Variants in KATNAL2 observed in about 807,000 individuals in gnomAD.
The protein encoded by KATNAL2 is katanin catalytic subunit A1 like 2.
In KATNAL2, 52 loss-of-function variants were observed where a neutral mutation model predicts 76.3. The observed-to-expected ratio is 0.68, with a 90% CI of 0.55 to 0.86. The LOEUF is 0.86. Ranked by LOEUF, KATNAL2 falls within the 40% of genes least tolerant of loss-of-function variation. The pLI, the probability that KATNAL2 is intolerant of heterozygous loss-of-function variation, is 0.00. For missense variants in KATNAL2, 660 were observed against 668.9 expected (o/e 0.99, Z 0.15); for synonymous variants, 243 against 244.2 (o/e 1.00, Z 0.05).
intron 3 of KATNAL2, among the ~76,000 whole-genome samples, chr18:47,038,523 A>G (rs1021801736): frequency 1.3e-5 from 2 of 152,174 alleles, no homozygotes; most frequent in Non-Finnish European, 2.9e-5. Context: ...GATCCTCTAG[A>G]GTATAAATTG....
chr18:47,076,234 G>A (rs1389327025), intron 14 of KATNAL2: 1 of 152,096 alleles, frequency 6.6e-6, no homozygotes, highest in African/African-American at 2.4e-5. Context: ...TTACTCATTG[G>A]AAACCATTTT....
rs150598803 is a variant in KATNAL2 at position 47,035,102 on chromosome 18, G to C, written c.52-11355G>C. On this transcript the variant is annotated intron_variant, in intron 3 of 17. Transcript: ENST00000683218. ...CCCACGTGCTGGTGCTTCCGCAGGC[G>C]CTTCACCGTCTTTCTGATTCCAGTC... 4 of 1,611,062 alleles carry C rather than the reference G, an allele frequency of 2.5e-6. No homozygotes were observed. The African/African-American group carries it at 5.3e-5, about 21-fold the overall frequency.
At chr18:46,935,018 T>G (rs2059045863) in intron 1 of KATNAL2, among the ~76,000 whole-genome samples, 1 of 152,092 alleles carries the variant, frequency 6.6e-6, no homozygotes, top group Admixed American at 6.6e-5. Flanking sequence ...TGACCAGTAT[T>G]TAGTCAAAAA....
intron 5 of KATNAL2, among the ~76,000 whole-genome samples, chr18:47,053,362 G>T (rs2061388532): frequency 6.6e-6 from 1 of 152,182 alleles, no homozygotes; most frequent in East Asian, 1.9e-4. Flanking sequence ...AGAACTGTTG[G>T]AAGAGGATAA....
intron 3 of KATNAL2, chr18:47,032,841 C>CA (rs2060539478): frequency 1.4e-6 from 2 of 1,419,966 alleles, no homozygotes; most frequent in Non-Finnish European, 9.5e-7. Context: ...GTGTGGGAGG[C>CA]AAAATCACAG....
intron 3 of KATNAL2, chr18:47,034,778 C>A (rs1220133880): frequency 6.2e-7 from 1 of 1,612,474 alleles, no homozygotes; most frequent in Non-Finnish European, 8.5e-7. Context: ...CCGGAATCAG[C>A]TGGGGCTATT....
intron 6 of KATNAL2, among the ~76,000 whole-genome samples, chr18:47,057,484 C>T (rs891620453): frequency 1.3e-5 from 2 of 152,138 alleles, no homozygotes; most frequent in African/African-American, 4.8e-5. Context: ...ACTATGTATA[C>T]AGTAAATGTA....
intron 3 of KATNAL2, chr18:47,033,444 C>G (rs1453783374): frequency 1.2e-6 from 2 of 1,613,938 alleles, no homozygotes; most frequent in South Asian, 2.2e-5. Flanking sequence ...GCCGCAGGTA[C>G]TGCTCCCTCC....
At chr18:47,031,128 C>A (rs2060400848) in intron 3 of KATNAL2, among the ~76,000 whole-genome samples, 1 of 126,020 alleles carries the variant, frequency 7.9e-6, no homozygotes, top group Non-Finnish European at 1.6e-5. Context: ...GCTTGGTCTT[C>A]AGGATCCTGC....
chr18:47,069,334 A>G (rs759263740), intron 12 of KATNAL2, 51 bp downstream of exon 12: 2 of 1,495,596 alleles, frequency 1.3e-6, no homozygotes, highest in Admixed American at 1.8e-5. Flanking sequence ...TGTGCAGAGG[A>G]TGAGTTGCCC....
chr18:46,947,476 T>C (rs1193167033), intron 3 of KATNAL2, among the ~76,000 whole-genome samples: 1 of 152,136 alleles, frequency 6.6e-6, no homozygotes, highest in East Asian at 1.9e-4. Context: ...TGGTTTACCG[T>C]GGTCTGTATC....
intron 1 of KATNAL2, among the ~76,000 whole-genome samples, chr18:46,935,000 T>C (rs1190560745): frequency 6.6e-6 from 1 of 152,050 alleles, no homozygotes; most frequent in Non-Finnish European, 1.5e-5. Flanking sequence ...AATAATTTGC[T>C]CAAAAAATGA....
At position 47,077,331 on chromosome 18, in the gene KATNAL2, C is replaced by G. The variant is rs527944446; in HGVS notation, c.1101-20C>G. ...CGAAGGCTCTGACACTTAGGAGAATCACGTCTTGTCTCTCTGTAGGGGAGA... is the reference window on the plus strand; with the variant it reads ...CGAAGGCTCTGACACTTAGGAGAATGACGTCTTGTCTCTCTGTAGGGGAGA... On this transcript the variant is annotated intron_variant, in intron 14 of 17. Coordinates refer to ENST00000683218, the MANE Select transcript of KATNAL2 (RefSeq NM_001387690.1). 7.0e-6 allele frequency: 11 copies of G among 1,581,958 alleles called. No homozygotes were observed. The South Asian group carries it at 1.0e-4, about 14-fold the overall frequency.
intron 3 of KATNAL2, among the ~76,000 whole-genome samples, chr18:47,040,965 A>G (rs1317975992): frequency 2.0e-5 from 3 of 152,254 alleles, no homozygotes; most frequent in Non-Finnish European, 2.9e-5. Context: ...GAATAAGAAC[A>G]TGATCTGCCA....
chr18:46,917,636 C>G lies in KATNAL2; in HGVS notation c.-800C>G, dbSNP rs903435438. 9 of 833,284 alleles carry G rather than the reference C, an allele frequency of 1.1e-5. No homozygotes were observed. The African/African-American group carries it at 1.5e-4, about 14-fold the overall frequency. 51.6% of individuals were successfully genotyped at this position (833,284 alleles called of 1,614,324 possible). On this transcript the variant is annotated 5_prime_UTR_variant, in exon 1 of 18. Transcript: ENST00000683218. The stretch of plus-strand genomic sequence containing the variant: ...GGCGACAGCGCCCGCCCGCGCCTGC[C>G]CCGGCGTGCTGCCCCGCGGCTTGGC...
intron 4 of KATNAL2, among the ~76,000 whole-genome samples, chr18:47,047,491 T>C (rs1227543768): frequency 6.6e-6 from 1 of 152,190 alleles, no homozygotes. Flanking sequence ...ATGCCCATTC[T>C]ATAACTGGCA....
chr18:46,955,005 G>A (rs529215802), intron 3 of KATNAL2, among the ~76,000 whole-genome samples: 3 of 151,842 alleles, frequency 2.0e-5, no homozygotes, highest in Non-Finnish European at 2.9e-5. Flanking sequence ...TCTATTTTTG[G>A]TTTTCTTTGC....
intron 15 of KATNAL2, among the ~76,000 whole-genome samples, chr18:47,083,280 G>A (rs1038612135): frequency 1.3e-5 from 2 of 152,176 alleles, no homozygotes; most frequent in African/African-American, 4.8e-5. Context: ...TCTTTCTCTT[G>A]ACTTCAGGGT....
intron 3 of KATNAL2, among the ~76,000 whole-genome samples, chr18:46,948,865 C>T (rs1391178805): frequency 6.7e-6 from 1 of 150,076 alleles, no homozygotes; most frequent in Non-Finnish European, 1.5e-5. Flanking sequence ...GACATATCTA[C>T]TGGGGTGTTG....
Sources: allele counts gnomAD v4.1 joint callset (sites outside exome capture counted in the v4.1 genomes callset), GRCh38; gene constraint gnomAD v4.1.1; transcripts MANE v1.5; gene names NCBI Gene and HGNC (gene_info 2026-07-23, HGNC 2026-07-21).